LRRC37A2: variants seen among roughly 807,000 people sequenced by gnomAD.
The protein encoded by LRRC37A2 is leucine rich repeat containing 37 member A2, also known as leucine-rich repeat-containing protein 37A2.
Under a neutral mutation model 68.8 loss-of-function variants are expected in LRRC37A2, and 9 were observed. The observed-to-expected ratio is 0.13, with a 90% confidence interval of 0.08 to 0.23. The LOEUF is 0.23. Ranked by LOEUF, LRRC37A2 falls within the 10% of genes least tolerant of loss-of-function variation. LRRC37A2 has a pLI of 1.00. For missense variants in LRRC37A2, 168 were observed against 950.4 expected, an observed-to-expected ratio of 0.18 and a Z score of 10.82; for synonymous variants, 63 against 367.6, an observed-to-expected ratio of 0.17 and a Z score of 9.48.
the LRRC37A2 span, among the ~76,000 whole-genome samples, chr17:46,504,953 G>GATTTATTA: frequency 9.8e-6 from 1 of 102,032 alleles, no homozygotes; most frequent in Non-Finnish European, 1.9e-5. Flanking sequence ...AACTAATTTT[G>GATTTATTA]AGAGAGAGTC....
chr17:46,767,949 C>T, the LRRC37A2 span, among the ~76,000 whole-genome samples: 32 of 152,208 alleles, frequency 2.1e-4, no homozygotes, highest in African/African-American at 7.0e-4. Flanking sequence ...CCACAACGCC[C>T]GGCTAATTTT....
the LRRC37A2 span, chr17:46,876,768 C>G: frequency 1.3e-6 from 2 of 1,491,040 alleles, no homozygotes; most frequent in Non-Finnish European, 1.8e-6. Context: ...TCCTGTGGCA[C>G]CCTTCAAGCT....
chr17:46,766,361 T>A, the LRRC37A2 span, among the ~76,000 whole-genome samples: 1 of 151,656 alleles, frequency 6.6e-6, no homozygotes, highest in South Asian at 2.1e-4. Context: ...TGAGCCGAGA[T>A]TGCGCACTTC....
the LRRC37A2 span, among the ~76,000 whole-genome samples, chr17:46,779,098 CACACA>C: frequency 1.2e-4 from 17 of 146,908 alleles, no homozygotes; most frequent in African/African-American, 4.1e-4. Context: ...CACACACACA[CACACA>C]CCCCAGCCCA....
the LRRC37A2 span, among the ~76,000 whole-genome samples, chr17:47,031,054 C>G: frequency 6.6e-6 from 1 of 151,462 alleles, no homozygotes; most frequent in Admixed American, 6.6e-5. Context: ...CCCACAAAAT[C>G]CTGAAATCAT....
chr17:46,542,364 C>CT (rs1483826694), intron 8 of LRRC37A2, among the ~76,000 whole-genome samples: 1 of 148,832 alleles, frequency 6.7e-6, no homozygotes. Context: ...TGTGATGTAT[C>CT]TTTTTTATTT....
the LRRC37A2 span, among the ~76,000 whole-genome samples, chr17:46,974,818 C>T: frequency 0.14 from 20,690 of 151,934 alleles, 1,656 homozygotes; most frequent in African/African-American, 0.21. Context: ...CTCAGGCAAC[C>T]TCTTGGAGCC....
At chr17:46,533,434 C>T (rs2054023698) in intron 6 of LRRC37A2, among the ~76,000 whole-genome samples, 1 of 132,232 alleles carries the variant, frequency 7.6e-6, no homozygotes, top group Non-Finnish European at 1.5e-5. Context: ...CACATTACAT[C>T]TTTATATACC....
the LRRC37A2 span, among the ~76,000 whole-genome samples, chr17:46,708,823 T>TG: frequency 1.7e-5 from 1 of 59,630 alleles, no homozygotes; most frequent in South Asian, 7.1e-4. Flanking sequence ...TATATATATA[T>TG]TTTTTTTTTT....
chr17:46,953,498 C>T, the LRRC37A2 span, among the ~76,000 whole-genome samples: 1 of 152,132 alleles, frequency 6.6e-6, no homozygotes, highest in South Asian at 2.1e-4. Context: ...AATAGTGCCG[C>T]AATAAACATA....
chr17:46,947,870 G>C, the LRRC37A2 span, among the ~76,000 whole-genome samples: 2 of 152,206 alleles, frequency 1.3e-5, no homozygotes, highest in Non-Finnish European at 2.9e-5. Context: ...CCGGGTTCAA[G>C]CGACTCTCCT....
At chr17:46,819,034 G>A in the LRRC37A2 span, among the ~76,000 whole-genome samples, 2 of 152,196 alleles carry the variant, frequency 1.3e-5, no homozygotes, top group Non-Finnish European at 2.9e-5. This position sits in a 1 kb window ranked among gnomAD's most constrained non-coding sequence, Gnocchi z 5.3. Flanking sequence ...CGTTCACATG[G>A]CGAGGGCTTG....
At chr17:46,800,908 G>A in the LRRC37A2 span, among the ~76,000 whole-genome samples, 2 of 152,222 alleles carry the variant, frequency 1.3e-5, no homozygotes, top group African/African-American at 4.8e-5. Flanking sequence ...AGACTGAACA[G>A]GAGTTTGTAG....
the LRRC37A2 span, chr17:46,978,545 C>G: frequency 1.4e-6 from 2 of 1,427,156 alleles, no homozygotes; most frequent in Non-Finnish European, 1.9e-6. Context: ...ACGTAGCTGC[C>G]CGCCCGGAGG....
the LRRC37A2 span, among the ~76,000 whole-genome samples, chr17:46,986,150 C>T: frequency 6.6e-6 from 1 of 152,088 alleles, no homozygotes; most frequent in South Asian, 2.1e-4. Context: ...GGGGGGGATG[C>T]GGGATTCAGC....
the LRRC37A2 span, chr17:46,721,505 C>T: frequency 4.4e-6 from 4 of 908,016 alleles, no homozygotes; most frequent in South Asian, 2.8e-5. Flanking sequence ...CAGGAAACTT[C>T]ATAATAGAAC....
the LRRC37A2 span, among the ~76,000 whole-genome samples, chr17:47,024,460 T>TAGGG: frequency 6.6e-6 from 1 of 151,966 alleles, no homozygotes; most frequent in South Asian, 2.1e-4. Flanking sequence ...GAAGAGTGGG[T>TAGGG]AGGGGTGTGC....
the LRRC37A2 span, among the ~76,000 whole-genome samples, chr17:46,761,246 C>T: frequency 1.6e-4 from 24 of 152,026 alleles, no homozygotes; most frequent in Non-Finnish European, 2.6e-4. Flanking sequence ...TATTCCTAAC[C>T]TCAGGTCACA....
chr17:46,379,866 GTTTTT>G, the LRRC37A2 span, among the ~76,000 whole-genome samples: 1 of 47,808 alleles, frequency 2.1e-5, no homozygotes, highest in Admixed American at 2.0e-4. Context: ...TTGCAATACT[GTTTTT>G]TTTTTTTTTT....
Sources: allele counts gnomAD v4.1 joint callset (sites outside exome capture counted in the v4.1 genomes callset), GRCh38; gene constraint gnomAD v4.1.1; non-coding constraint Gnocchi (gnomAD v3.1); transcripts MANE v1.5; gene names NCBI Gene and HGNC (gene_info 2026-07-23, HGNC 2026-07-21).